The following DMC1 variants were observed in gnomAD, a reference collection of about 807,000 sequenced individuals.
DMC1 encodes DNA meiotic recombinase 1.
DMC1 carries 27 observed loss-of-function variants against 50.1 expected under a neutral mutation model. The ratio of observed to expected loss-of-function variants is 0.54; its 90% CI spans 0.40 to 0.74. The LOEUF is 0.74. Among genes scored for constraint, DMC1 ranks in the 30% least tolerant of loss-of-function variants. The pLI, the probability that DMC1 is intolerant of heterozygous loss-of-function variation, is 0.00. For synonymous variants in DMC1, 148 were observed against 136.1 expected (o/e 1.09, Z -0.61); for missense variants, 295 against 420.2 (o/e 0.70, Z 2.60).
intron 12 of DMC1, among the ~76,000 whole-genome samples, chr22:38,537,068 T>G (rs2090221892): frequency 6.6e-6 from 1 of 152,090 alleles, no homozygotes; most frequent in African/African-American, 2.4e-5. Context: ...GCCAGGCTGG[T>G]CTTGAACTCC....
At chr22:38,540,561 A>G (rs1191148867) in intron 8 of DMC1, among the ~76,000 whole-genome samples, 1 of 152,222 alleles carries the variant, frequency 6.6e-6, no homozygotes. Context: ...CACTTTGTTT[A>G]TAGTGTTTAC....
chr22:38,548,598 G>T (rs150537312), intron 8 of DMC1, among the ~76,000 whole-genome samples: 3 of 152,202 alleles, frequency 2.0e-5, no homozygotes, highest in African/African-American at 7.2e-5. Flanking sequence ...ATTAGGCCAG[G>T]CGTGATGGCT....
chr22:38,562,888 CT>C (rs1162057407), intron 4 of DMC1, among the ~76,000 whole-genome samples: 1 of 152,202 alleles, frequency 6.6e-6, no homozygotes, highest in African/African-American at 2.4e-5. Context: ...CTGCCTCAGC[CT>C]CCCAAGTAGC....
Position 38,549,955 on chromosome 22 carries a change from T to A in DMC1, c.464A>T (p.Lys155Met), listed in dbSNP as rs748372738. The A allele has an allele frequency of 5.0e-6, 8 of 1,613,540 alleles. No individual in the cohort carries two copies. The Admixed American group carries it at 5.0e-5, about 10-fold the overall frequency. The change falls in exon 8 of 14, where the codon AAG (lysine) becomes ATG (methionine). Residue 155 changes from lysine to methionine, a missense_variant. Lys to Met is a moderately conservative substitution (Grantham distance 95, BLOSUM62 -1). Coordinates refer to ENST00000216024, the MANE Select transcript of DMC1 (RefSeq NM_007068.4). ...ATTTTCTGTATCAATGAAGATAATC[T>A]TTCCTCCTGGGTAGCCACCAGCTCC... The part of the protein sequence containing the change: ...LPGAGGYPGG[K>M]IIFIDTENTF...
chr22:38,535,410 CCACACACACACACA>C (rs141719568), intron 12 of DMC1, among the ~76,000 whole-genome samples: 1 of 147,930 alleles, frequency 6.8e-6, no homozygotes. Context: ...ATGTACACCT[CCACACACACACACA>C]CACACACACA....
intron 3 of DMC1, among the ~76,000 whole-genome samples, chr22:38,567,333 G>A (rs958119126): frequency 2.0e-5 from 3 of 152,118 alleles, no homozygotes; most frequent in Admixed American, 6.5e-5. Flanking sequence ...TATTCCAGTC[G>A]CCTGACATAT....
chr22:38,544,720 G>A (rs2145899689), intron 8 of DMC1, among the ~76,000 whole-genome samples: 1 of 151,924 alleles, frequency 6.6e-6, no homozygotes. Context: ...CCACCTCCTG[G>A]AATCAAGCAA....
chr22:38,550,105 A>G, intron 7 of DMC1, 108 bp from the exon 8 acceptor site: 1 of 785,090 alleles, frequency 1.3e-6, no homozygotes, highest in Non-Finnish European at 2.2e-6. Context: ...TACATTTTGC[A>G]AAGAGTCATG....
the DMC1 span, among the ~76,000 whole-genome samples, chr22:38,510,330 C>T: frequency 2.0e-5 from 3 of 151,958 alleles, no homozygotes; most frequent in Non-Finnish European, 4.4e-5. Context: ...TGGTGGGCGC[C>T]TGTAATCACA....
chr22:38,531,367 T>A (rs2145826838), intron 12 of DMC1, among the ~76,000 whole-genome samples: 1 of 152,130 alleles, frequency 6.6e-6, no homozygotes, highest in South Asian at 2.1e-4. Flanking sequence ...CTTCTATAAT[T>A]TCGTTCCTTT....
intron 7 of DMC1, among the ~76,000 whole-genome samples, chr22:38,550,798 G>C (rs1378299374): frequency 6.6e-6 from 1 of 150,652 alleles, no homozygotes; most frequent in African/African-American, 2.4e-5. Flanking sequence ...GGGTGTGGTG[G>C]TGCATGCCTG....
intron 4 of DMC1, among the ~76,000 whole-genome samples, chr22:38,563,045 A>G (rs11570385): frequency 0.011 from 1,626 of 152,344 alleles, 36 homozygotes; most frequent in African/African-American, 0.038. Flanking sequence ...CTGGGATTAC[A>G]GGCGTGAGCC....
chr22:38,537,490 G>T, intron 12 of DMC1, 102 bp downstream of exon 12: 1 of 1,076,042 alleles, frequency 9.3e-7, no homozygotes, highest in Non-Finnish European at 1.4e-6. Flanking sequence ...GGAATTACAG[G>T]CGTGAGCCAC....
chr22:38,542,694 G>C (rs1010159091), intron 8 of DMC1, among the ~76,000 whole-genome samples: 5 of 152,052 alleles, frequency 3.3e-5, no homozygotes, highest in Non-Finnish European at 5.9e-5. Flanking sequence ...CAGAGAAATA[G>C]AAAAACAACC....
At chr22:38,552,768 A>G (rs1028451516) in intron 6 of DMC1, 61 bp from the exon 7 acceptor site, 2 of 1,121,528 alleles carry the variant, frequency 1.8e-6, no homozygotes, top group African/African-American at 3.1e-5. Flanking sequence ...TTTCATAAAG[A>G]ATAAAACATG....
At chr22:38,539,495 A>G in intron 8 of DMC1, 83 bp from the exon 9 acceptor site, 1 of 1,065,584 alleles carries the variant, frequency 9.4e-7, no homozygotes, top group South Asian at 1.3e-5. Flanking sequence ...TATCTTCCGT[A>G]AATTAACAGA....
chr22:38,525,475 G>T (rs771776020), intron 12 of DMC1, among the ~76,000 whole-genome samples: 2 of 152,012 alleles, frequency 1.3e-5, no homozygotes, highest in Non-Finnish European at 2.9e-5. Context: ...GCAAACTATT[G>T]TTTGCTGTTA....
intron 5 of DMC1, among the ~76,000 whole-genome samples, chr22:38,555,949 A>AG (rs1602761152): frequency 6.6e-6 from 1 of 151,956 alleles, no homozygotes; most frequent in East Asian, 1.9e-4. Flanking sequence ...CTCCTGCCTC[A>AG]GCCTCACGAG....
intron 12 of DMC1, among the ~76,000 whole-genome samples, chr22:38,531,225 G>T (rs1246680143): frequency 6.6e-6 from 1 of 152,056 alleles, no homozygotes; most frequent in African/African-American, 2.4e-5. Context: ...CCCAGTGTGG[G>T]ACTTTATGGA....
Sources: allele counts gnomAD v4.1 joint callset (sites outside exome capture counted in the v4.1 genomes callset), GRCh38; gene constraint gnomAD v4.1.1; transcripts MANE v1.5; gene names NCBI Gene and HGNC (gene_info 2026-07-23, HGNC 2026-07-21).